KATNIP: variants seen among roughly 807,000 people sequenced by gnomAD.
The protein encoded by KATNIP is katanin interacting protein.
In KATNIP, 126 loss-of-function variants were observed where a neutral mutation model predicts 174.0. That is an observed-to-expected ratio of 0.72 (90% CI 0.63 to 0.84). KATNIP has a LOEUF of 0.84. KATNIP is among the 40% of genes least tolerant of loss of function. The pLI, the probability that KATNIP is intolerant of heterozygous loss-of-function variation, is 0.00. For synonymous variants in KATNIP, 810 were observed against 835.7 expected, an observed-to-expected ratio of 0.97 and a Z score of 0.53; for missense variants, 1,958 against 2,109.7, an observed-to-expected ratio of 0.93 and a Z score of 1.41.
intron 2 of KATNIP, among the ~76,000 whole-genome samples, chr16:27,589,147 C>T (rs1273243000): frequency 4.0e-5 from 6 of 151,830 alleles, no homozygotes; most frequent in Non-Finnish European, 5.9e-5. Flanking sequence ...CTCAAGTGAT[C>T]TGCCTGCCTT....
chr16:27,729,121 A>G (rs1199160693), intron 14 of KATNIP, among the ~76,000 whole-genome samples: 1 of 152,194 alleles, frequency 6.6e-6, no homozygotes, highest in African/African-American at 2.4e-5. Context: ...TAATCACACA[A>G]TAGAAGTCTT....
At chr16:27,684,643 G>C (rs1008861587) in intron 8 of KATNIP, among the ~76,000 whole-genome samples, 1 of 152,194 alleles carries the variant, frequency 6.6e-6, no homozygotes, top group African/African-American at 2.4e-5. Flanking sequence ...AGTTCTCAAG[G>C]CTCCAAGTCT....
chr16:27,713,494 A>G (rs1464979593), intron 13 of KATNIP, among the ~76,000 whole-genome samples: 5 of 151,612 alleles, frequency 3.3e-5, no homozygotes, highest in Non-Finnish European at 7.4e-5. Flanking sequence ...ATCCCAGCAC[A>G]CTTTGGGAGA....
intron 5 of KATNIP, among the ~76,000 whole-genome samples, chr16:27,631,967 C>A (rs1260052386): frequency 6.6e-6 from 1 of 152,178 alleles, no homozygotes; most frequent in Non-Finnish European, 1.5e-5. Flanking sequence ...CCCAGCAGAA[C>A]TGTAGAGTAT....
chr16:27,746,344 G>A (rs2081295461), intron 15 of KATNIP, among the ~76,000 whole-genome samples: 1 of 152,188 alleles, frequency 6.6e-6, no homozygotes, highest in African/African-American at 2.4e-5. Flanking sequence ...CTGAAGTCAC[G>A]AGAATCCATC....
intron 6 of KATNIP, among the ~76,000 whole-genome samples, chr16:27,675,318 G>A (rs1212411607): frequency 6.6e-6 from 1 of 152,148 alleles, no homozygotes; most frequent in Non-Finnish European, 1.5e-5. Context: ...GAACAGTATG[G>A]GGAAACTGCC....
intron 6 of KATNIP, among the ~76,000 whole-genome samples, chr16:27,665,609 T>A (rs192628616): frequency 4.3e-4 from 63 of 147,526 alleles, no homozygotes; most frequent in East Asian, 2.0e-3. Flanking sequence ...TTTTATTATT[T>A]TTTTTTTTTT....
At chr16:27,633,781 G>A (rs2076559611) in intron 5 of KATNIP, among the ~76,000 whole-genome samples, 1 of 152,220 alleles carries the variant, frequency 6.6e-6, no homozygotes, top group African/African-American at 2.4e-5. Flanking sequence ...GAGAGGTAAG[G>A]TGACTTCCTT....
At chr16:27,735,484 T>C (rs1476321492) in intron 14 of KATNIP, among the ~76,000 whole-genome samples, 1 of 152,236 alleles carries the variant, frequency 6.6e-6, no homozygotes, top group East Asian at 1.9e-4. Flanking sequence ...GAACCAGTCA[T>C]TGAAAACTGC....
At chr16:27,708,242 T>C (rs564508965) in intron 12 of KATNIP, among the ~76,000 whole-genome samples, 1 of 152,168 alleles carries the variant, frequency 6.6e-6, no homozygotes, top group East Asian at 1.9e-4. Context: ...AGGCTGATCT[T>C]GAACTCCTGG....
intron 6 of KATNIP, 41 bp downstream of exon 6, chr16:27,648,776 A>T (rs1157455533): frequency 6.2e-7 from 1 of 1,600,142 alleles, no homozygotes; most frequent in Non-Finnish European, 8.5e-7. Flanking sequence ...CACCTGAAGG[A>T]CGGCGAGGCT....
At chr16:27,588,010 C>T (rs1409995644) in intron 2 of KATNIP, among the ~76,000 whole-genome samples, 2 of 151,298 alleles carry the variant, frequency 1.3e-5, no homozygotes, top group Admixed American at 6.6e-5. Flanking sequence ...CTCACTTCAG[C>T]CTCCCAGGTG....
intron 6 of KATNIP, among the ~76,000 whole-genome samples, chr16:27,655,555 A>T (rs2077254648): frequency 6.6e-6 from 1 of 151,924 alleles, no homozygotes; most frequent in Non-Finnish European, 1.5e-5. Context: ...TGGCCAGAAG[A>T]TGTAAAACAA....
At chr16:27,589,869 T>A (rs1288818778) in intron 2 of KATNIP, among the ~76,000 whole-genome samples, 3 of 152,064 alleles carry the variant, frequency 2.0e-5, no homozygotes, top group African/African-American at 7.2e-5. Context: ...CTCCACTCAC[T>A]GCAACCTTTG....
intron 3 of KATNIP, among the ~76,000 whole-genome samples, chr16:27,627,819 G>C (rs2076378787): frequency 6.6e-6 from 1 of 152,200 alleles, no homozygotes; most frequent in African/African-American, 2.4e-5. Flanking sequence ...TGATGTAGGA[G>C]TGTCTAAAGC....
intron 13 of KATNIP, among the ~76,000 whole-genome samples, chr16:27,716,443 C>T (rs770264691): frequency 7.9e-5 from 12 of 151,314 alleles, no homozygotes; most frequent in Non-Finnish European, 1.6e-4. Context: ...TTTAAAATGG[C>T]GAACTTTATG....
At chr16:27,627,640 A>G (rs909354757) in intron 3 of KATNIP, among the ~76,000 whole-genome samples, 2 of 152,218 alleles carry the variant, frequency 1.3e-5, no homozygotes, top group Non-Finnish European at 2.9e-5. Context: ...GAATAATGAG[A>G]ATCGACTTTA....
chr16:27,703,817 T>TGCA, intron 11 of KATNIP, 79 bp from the exon 12 acceptor site: 1 of 1,059,954 alleles, frequency 9.4e-7, no homozygotes, highest in Non-Finnish European at 1.5e-6. Context: ...TATCCCCGAG[T>TGCA]GCAGCACTTT....
At chr16:27,668,558 C>G (rs1306389459) in intron 6 of KATNIP, among the ~76,000 whole-genome samples, 5 of 152,206 alleles carry the variant, frequency 3.3e-5, no homozygotes, top group African/African-American at 1.2e-4. Context: ...GCGTCTTTAT[C>G]AGCAGCGTGA....
Sources: gnomAD v4.1 joint callset for allele counts (sites outside exome capture counted in the v4.1 genomes callset) on GRCh38, gnomAD v4.1.1 for gene constraint, MANE v1.5 for transcripts, NCBI Gene and HGNC (gene_info 2026-07-23, HGNC 2026-07-21) for gene names.